The following CEP97 variants were observed in gnomAD, a reference collection of about 807,000 sequenced individuals.
The protein encoded by CEP97 is centrosomal protein of 97 kDa.
Under a neutral mutation model 73.1 loss-of-function variants are expected in CEP97, and 43 were observed. The observed-to-expected ratio is 0.59, with a 90% confidence interval of 0.46 to 0.76. CEP97 has a LOEUF of 0.76. Ranked by LOEUF, CEP97 falls within the 30% of genes least tolerant of loss-of-function variation. CEP97 has a pLI of 0.00. For missense variants in CEP97, 939 were observed against 1,014.0 expected (o/e 0.93, Z 1.00); for synonymous variants, 337 against 370.0 (o/e 0.91, Z 1.02).
Position 101,765,316 on chromosome 3 carries a change from G to A in CEP97, c.2363G>A (p.Arg788Lys), listed in dbSNP as rs1465897836. ...CAACAGCTGGAAGATGCTGATGAGA[G>A]GACCAATTTTGATACAGAGACAAGA... ...SVQQLEDADE[R>K]TNFDTETRDS... Residue 788 changes from arginine to lysine, a missense_variant, in exon 11 of 11, where the codon AGG becomes AAG. Transcript: ENST00000341893. 50 of 1,613,982 alleles carry A rather than the reference G, an allele frequency of 3.1e-5. No homozygotes were observed. Among genetic ancestry groups the A allele is most frequent in the Non-Finnish European group, 4.1e-5 (48 of 1,180,018 alleles).
At chr3:101,730,370 A>T (rs964348913) in intron 4 of CEP97, among the ~76,000 whole-genome samples, 4 of 151,976 alleles carry the variant, frequency 2.6e-5, no homozygotes, top group African/African-American at 7.3e-5. Flanking sequence ...GGTTCAAGCG[A>T]TTCTCCTGCC....
At chr3:101,727,104 C>G (rs367867467) in intron 2 of CEP97, among the ~76,000 whole-genome samples, 3 of 152,154 alleles carry the variant, frequency 2.0e-5, no homozygotes, top group Non-Finnish European at 4.4e-5. Flanking sequence ...CAGCACTATT[C>G]TTGTGGAACT....
At chr3:101,737,470 A>G (rs1938313000) in intron 6 of CEP97, among the ~76,000 whole-genome samples, 1 of 152,244 alleles carries the variant, frequency 6.6e-6, no homozygotes, top group East Asian at 1.9e-4. Context: ...AGGGAAGCCC[A>G]TCAGACTTAA....
At chr3:101,755,693 C>T (rs896442201) in intron 7 of CEP97, 99 bp downstream of exon 7, 2 of 1,201,148 alleles carry the variant, frequency 1.7e-6, no homozygotes, top group East Asian at 4.7e-5. Context: ...TGCTGCGGCC[C>T]ACATTTCTGG....
In CEP97 at chr3:101,765,508, G is replaced by A; in HGVS notation, c.2555G>A (p.Cys852Tyr). The A allele has an allele frequency of 1.9e-6, 3 of 1,613,762 alleles. No individual in the cohort carries two copies. Among genetic ancestry groups the A allele is most frequent in the Non-Finnish European group, 1.7e-6 (2 of 1,179,714 alleles). The change falls in exon 11 of 11, where the codon TGT becomes TAT. Residue 852 changes from cysteine to tyrosine, a missense_variant. By Grantham distance (194) the Cys-to-Tyr change is radical. Coordinates refer to ENST00000341893, the MANE Select transcript of CEP97 (RefSeq NM_024548.4). ...GAAGTTCAGGGGCAGCAGCCAGAAT[G>A]TGATTCTACATTTCAGCTATTGCAT... ...NAEVQGQQPE[C>Y]DSTFQLLHVG...
chr3:101,732,730 T>G, intron 6 of CEP97, 76 bp downstream of exon 6: 1 of 1,294,660 alleles, frequency 7.7e-7, no homozygotes, highest in Non-Finnish European at 1.1e-6. Flanking sequence ...AATAGAGTAT[T>G]TCTTAAAATG....
chr3:101,769,334 T>G lies in CEP97; in HGVS notation c.*3783T>G, dbSNP rs957368729. Reference sequence around the variant, plus strand: ...AGACTTCATTGTGTGTGTGTTTTTTTTTTTTTTTTCGAGATAGAGTTTCAC... The same window carrying G: ...AGACTTCATTGTGTGTGTGTTTTTTGTTTTTTTTTCGAGATAGAGTTTCAC... On this transcript the variant is annotated 3_prime_UTR_variant, in exon 11 of 11. Coordinates refer to ENST00000341893, the MANE Select transcript of CEP97 (RefSeq NM_024548.4). 6.6e-6 allele frequency: 1 copy of G among 151,886 alleles called. No individual in the cohort carries two copies. The highest frequency in any genetic ancestry group is 1.9e-4 in the East Asian group (1 of 5,198). 9.4% of individuals were successfully genotyped at this position (151,886 alleles called of 1,614,324 possible).
rs1286958840 is a variant in CEP97 at position 101,739,276 on chromosome 3, T to C, written c.728+6622T>C. 3.3e-5 allele frequency among the ~76,000 whole-genome samples: 5 copies of C among 152,176 alleles called. No individual in the cohort carries two copies. The East Asian group carries it at 9.6e-4, about 29-fold the overall frequency. ...GCTGGTACTATTCCTTCTGAAACTA[T>C]TCCAAACAAAAGAAAAAGAGGGACT... On this transcript the variant is annotated intron_variant, in intron 6 of 10. Transcript: ENST00000341893.
intron 6 of CEP97, among the ~76,000 whole-genome samples, chr3:101,748,129 C>CAAAAAAAAAAA (rs71625598): frequency 1.9e-5 from 1 of 53,898 alleles, no homozygotes; most frequent in Non-Finnish European, 3.2e-5. Context: ...GACCTTGTCT[C>CAAAAAAAAAAA]AAAAAAAAAA....
intron 9 of CEP97, among the ~76,000 whole-genome samples, chr3:101,760,804 T>C (rs930667490): frequency 1.1e-4 from 17 of 152,092 alleles, no homozygotes; most frequent in African/African-American, 3.9e-4. Context: ...CCTCCTAAAG[T>C]TCTGGGATTA....
intron 6 of CEP97, among the ~76,000 whole-genome samples, chr3:101,753,727 C>T (rs1475952145): frequency 6.6e-6 from 1 of 152,142 alleles, no homozygotes; most frequent in Non-Finnish European, 1.5e-5. Context: ...ATATAATCTC[C>T]TGGTGCACCG....
chr3:101,765,473 A>G lies in CEP97; in HGVS notation c.2520A>G (p.Lys840=), dbSNP rs942497146. ...GEISQTQENS[K]LNAEVQGQQP... is the part of the protein sequence containing the mutation. ...TTAGCCAGACACAAGAGAATTCTAA[A>G]TTAAATGCAGAAGTTCAGGGGCAGC... Residue 840 remains lysine (K), a synonymous_variant, in exon 11 of 11, where the codon AAA becomes AAG. Transcript: ENST00000341893. 8.7e-6 allele frequency: 14 copies of G among 1,614,174 alleles called. No individual in the cohort carries two copies. The highest frequency in any genetic ancestry group is 9.3e-6 in the Non-Finnish European group (11 of 1,180,000).
Position 101,755,895 on chromosome 3 carries a change from C to T in CEP97, c.893+301C>T, listed in dbSNP as rs142735226. Among the ~76,000 whole-genome samples the T allele has an allele frequency of 3.7e-3, 568 of 152,240 alleles. 2 individuals carry two copies. The highest frequency in any genetic ancestry group is 0.013 in the African/African-American group (533 of 41,538). On this transcript the variant is annotated intron_variant, in intron 7 of 10. Transcript: ENST00000341893. ...AGTTGCAACTACAGGTGCATGCCAC[C>T]ATGGTTGGCTAATTTTTTGTAGAGA...
At position 101,754,321 on chromosome 3, in the gene CEP97, C is replaced by T. The variant is rs1186067350; in HGVS notation, c.729-1109C>T. 2.0e-5 allele frequency among the ~76,000 whole-genome samples: 3 copies of T among 152,172 alleles called. No homozygotes were observed. The East Asian group carries it at 5.8e-4, about 29-fold the overall frequency. ...AAGAGAAGAACTCTTAAAGAAACAA[C>T]CACAATGCTATTATCACATCTTAAA... On this transcript the variant is annotated intron_variant, in intron 6 of 10. Transcript: ENST00000341893.
intron 6 of CEP97, among the ~76,000 whole-genome samples, chr3:101,748,557 A>G (rs1050613516): frequency 4.6e-5 from 7 of 152,322 alleles, no homozygotes; most frequent in Admixed American, 4.6e-4. Flanking sequence ...TTTGTTTGGC[A>G]GGAGAATGTA....
At chr3:101,764,545 A>G (rs1300002153) in intron 10 of CEP97, among the ~76,000 whole-genome samples, 4 of 150,742 alleles carry the variant, frequency 2.7e-5, no homozygotes, top group African/African-American at 9.8e-5. Flanking sequence ...TGGGAGGTGG[A>G]GGTTGCGGTA....
At position 101,764,096 on chromosome 3, in the gene CEP97, G is replaced by C. The variant is rs369741251; in HGVS notation, c.1894-751G>C. ...TGGGATGCTATGGAAAAGATAAAGGGAGTCAGCAGTTTCTAGCTCCAGTTC... is the reference window on the plus strand; with the variant it reads ...TGGGATGCTATGGAAAAGATAAAGGCAGTCAGCAGTTTCTAGCTCCAGTTC... On this transcript the variant is annotated intron_variant, in intron 10 of 10. Transcript: ENST00000341893. Among the ~76,000 whole-genome samples the C allele has an allele frequency of 1.7e-4, 26 of 152,286 alleles. No homozygotes were observed. The South Asian group carries it at 5.2e-3, about 30-fold the overall frequency.
chr3:101,731,764 C>A, intron 4 of CEP97, 76 bp from the exon 5 acceptor site: 1 of 748,136 alleles, frequency 1.3e-6, no homozygotes, highest in Non-Finnish European at 2.4e-6. Flanking sequence ...TTATATGTAC[C>A]ATTTTGGTGT....
rs193200757 is a variant in CEP97 at position 101,753,954 on chromosome 3, G to A, written c.729-1476G>A. On this transcript the variant is annotated intron_variant, in intron 6 of 10. Transcript: ENST00000341893. ...TGGCACTCCCTAGTGGGATGAACCC[G>A]GTACCTCAGATGGAAATGCAGAAAT... Among the ~76,000 whole-genome samples, 377 of 151,536 alleles carry A rather than the reference G, an allele frequency of 2.5e-3. 1 individual carries two copies. The highest frequency in any genetic ancestry group is 2.7e-3 in the Non-Finnish European group (184 of 67,894).
Sources: gnomAD v4.1 joint callset for allele counts (sites outside exome capture counted in the v4.1 genomes callset) on GRCh38, gnomAD v4.1.1 for gene constraint, MANE v1.5 for transcripts, NCBI Gene and HGNC (gene_info 2026-07-23, HGNC 2026-07-21) for gene names.